The following GPC5 variants were observed in gnomAD, a reference collection of about 807,000 sequenced individuals.
GPC5 encodes the protein glypican 5, also known as glypican-5.
A neutral mutation model predicts 53.9 loss-of-function variants in GPC5; 47 were observed. The observed-to-expected ratio is 0.87, with a 90% CI of 0.69 to 1.11. GPC5 has a LOEUF of 1.11. Ranked by LOEUF, GPC5 falls within the 50% of genes most tolerant of loss-of-function variation. The probability of loss-of-function intolerance (pLI) is 0.00; values close to 1 mark genes in which losing one functional copy is unlikely to be tolerated. For missense variants in GPC5, 748 were observed against 713.1 expected (o/e 1.05, Z -0.56); for synonymous variants, 286 against 263.3 (o/e 1.09, Z -0.84).
chr13:92,349,193 G>C (rs189018953), intron 7 of GPC5, among the ~76,000 whole-genome samples: 1 of 152,138 alleles, frequency 6.6e-6, no homozygotes, highest in Non-Finnish European at 1.5e-5. Flanking sequence ...GCCCAGGCTG[G>C]AGTGCGATGG....
intron 7 of GPC5, among the ~76,000 whole-genome samples, chr13:92,212,354 T>G (rs992483458): frequency 6.6e-6 from 1 of 152,078 alleles, no homozygotes; most frequent in Non-Finnish European, 1.5e-5. Context: ...AGTATGAGTA[T>G]TTTTATTTAC....
rs1879334219 is a variant in GPC5, at chr13:92,866,323, C to T, written c.1603C>T (p.His535Tyr). 1 of 1,612,604 alleles carries T rather than the reference C, an allele frequency of 6.2e-7. No individual in the cohort carries two copies. The highest frequency in any genetic ancestry group is 1.3e-5 in the African/African-American group (1 of 74,836). The change falls in exon 8 of 8, where the codon CAT (histidine) becomes TAT (tyrosine). Residue 535 changes from histidine to tyrosine, a missense_variant. Transcript: ENST00000377067. ...DMNFSDVKQI[H>Y]QTDTGSTLDT... ...GAACTTCAGTGATGTAAAGCAAATC[C>T]ATCAAACAGACACTGGCAGTACTTT...
At chr13:92,076,137 G>T (rs1044776752) in intron 6 of GPC5, among the ~76,000 whole-genome samples, 6 of 151,186 alleles carry the variant, frequency 4.0e-5, no homozygotes, top group African/African-American at 1.2e-4. Flanking sequence ...GTGCAGTGGC[G>T]CTATCACTGC....
In GPC5 at chr13:91,699,691, A is replaced by C. The variant is rs139061262; in HGVS notation, c.1020+5810A>C. 2.2e-3 allele frequency among the ~76,000 whole-genome samples: 341 copies of C among 152,332 alleles called. 1 individual carries two copies. Among genetic ancestry groups the C allele is most frequent in the South Asian group, 3.7e-3 (18 of 4,830 alleles). ...GTCAGCTCTGAAAGAATCCAATGAA[A>C]GTGGGCTGACTTTGATTTATAGAAA... On this transcript the variant is annotated intron_variant, in intron 3 of 7. Transcript: ENST00000377067.
intron 7 of GPC5, among the ~76,000 whole-genome samples, chr13:92,837,297 C>T (rs984235994): frequency 6.6e-6 from 1 of 152,222 alleles, no homozygotes; most frequent in African/African-American, 2.4e-5. Context: ...GGATGGAGTA[C>T]AGTATGTTTT....
intron 6 of GPC5, among the ~76,000 whole-genome samples, chr13:91,929,162 A>C (rs1027152013): frequency 6.6e-6 from 1 of 152,098 alleles, no homozygotes; most frequent in Non-Finnish European, 1.5e-5. Flanking sequence ...TTTAAATATT[A>C]TTCTTAAATA....
chr13:92,229,650 C>T (rs6650316), intron 7 of GPC5, among the ~76,000 whole-genome samples: 35,365 of 151,952 alleles, frequency 0.23, 4,352 homozygotes, highest in African/African-American at 0.31. Context: ...TTTGAGCTGC[C>T]TGGCCATAAT....
intron 2 of GPC5, among the ~76,000 whole-genome samples, chr13:91,499,534 T>G (rs1884500723): frequency 6.6e-6 from 1 of 152,234 alleles, no homozygotes; most frequent in African/African-American, 2.4e-5. Context: ...ACATTTTAGA[T>G]TCAGCAGTTT....
chr13:91,618,793 A>C (rs2033771614), intron 2 of GPC5, among the ~76,000 whole-genome samples: 1 of 152,028 alleles, frequency 6.6e-6, no homozygotes, highest in Non-Finnish European at 1.5e-5. Flanking sequence ...TTTCAGCCTT[A>C]GCTTCCTAAT....
chr13:92,795,148 C>A (rs777984214), intron 7 of GPC5, among the ~76,000 whole-genome samples: 25 of 152,102 alleles, frequency 1.6e-4, no homozygotes, highest in Non-Finnish European at 3.2e-4. Context: ...TACGAGACTA[C>A]AGTAACCAAA....
intron 7 of GPC5, among the ~76,000 whole-genome samples, chr13:92,268,034 G>A (rs1412889556): frequency 6.6e-6 from 1 of 151,862 alleles, no homozygotes; most frequent in Non-Finnish European, 1.5e-5. Context: ...AGTATCATAT[G>A]CTTTCAGAAA....
At chr13:91,854,275 G>A (rs1594618991) in intron 5 of GPC5, among the ~76,000 whole-genome samples, 1 of 151,722 alleles carries the variant, frequency 6.6e-6, no homozygotes, top group African/African-American at 2.4e-5. Context: ...GTACATAATA[G>A]GTATACATAT....
intron 2 of GPC5, among the ~76,000 whole-genome samples, chr13:91,628,441 G>C (rs572694382): frequency 1.7e-4 from 26 of 152,070 alleles, no homozygotes; most frequent in African/African-American, 5.8e-4. Context: ...TACATATCAT[G>C]TAGCTATGTT....
intron 7 of GPC5, among the ~76,000 whole-genome samples, chr13:92,348,085 C>A (rs2043442645): frequency 1.4e-5 from 2 of 139,720 alleles, no homozygotes; most frequent in East Asian, 2.1e-4. Context: ...TACAAAACAA[C>A]CAGAAAACAA....
At chr13:92,700,091 G>A (rs1165305100) in intron 7 of GPC5, among the ~76,000 whole-genome samples, 3 of 152,052 alleles carry the variant, frequency 2.0e-5, no homozygotes, top group Non-Finnish European at 4.4e-5. Flanking sequence ...CTAAGAACTT[G>A]CTTTATGAAT....
chr13:92,621,775 C>T (rs745931063), intron 7 of GPC5, among the ~76,000 whole-genome samples: 14 of 152,096 alleles, frequency 9.2e-5, no homozygotes, highest in Middle Eastern at 3.4e-3. Context: ...ACTGAGATCG[C>T]ACCATTACAC....
rs190599695 is a variant in GPC5, at chr13:92,696,896, A to G, written c.1562-169386A>G. Among the ~76,000 whole-genome samples, 329 of 152,318 alleles carry G rather than the reference A, an allele frequency of 2.2e-3. 1 individual carries two copies. Among genetic ancestry groups the G allele is most frequent in the South Asian group, 4.3e-3 (21 of 4,830 alleles). On this transcript the variant is annotated intron_variant, in intron 7 of 7. Coordinates refer to ENST00000377067, the MANE Select transcript of GPC5 (RefSeq NM_004466.6). ...TGTATGAGGCATAAGGAAGGGATCC[A>G]GTTTCAGCTTTCTGCATATGGCTAG...
At chr13:92,567,851 G>T (rs1882907884) in intron 7 of GPC5, among the ~76,000 whole-genome samples, 1 of 152,152 alleles carries the variant, frequency 6.6e-6, no homozygotes, top group African/African-American at 2.4e-5. Context: ...CACTAAGTTT[G>T]TGGCGATGTG....
intron 7 of GPC5, among the ~76,000 whole-genome samples, chr13:92,575,987 T>C (rs1360407745): frequency 6.6e-6 from 1 of 152,116 alleles, no homozygotes; most frequent in Admixed American, 6.6e-5. Flanking sequence ...ACTGACAGGT[T>C]TGACAACTTC....
Sources: allele counts gnomAD v4.1 joint callset (sites outside exome capture counted in the v4.1 genomes callset), GRCh38; gene constraint gnomAD v4.1.1; transcripts MANE v1.5; gene names NCBI Gene and HGNC (gene_info 2026-07-23, HGNC 2026-07-21).